The following UGGT2 variants were observed in gnomAD, a reference collection of about 807,000 sequenced individuals.
UGGT2 encodes the protein UDP-glucose glycoprotein glucosyltransferase 2, also known as UDP-glucose:glycoprotein glucosyltransferase 2.
UGGT2 carries 180 observed loss-of-function variants against 192.1 expected under a neutral mutation model. That is an observed-to-expected ratio of 0.94 (90% CI 0.83 to 1.06). UGGT2 has a LOEUF of 1.06. Among genes scored for constraint, UGGT2 ranks in the 50% least tolerant of loss-of-function variants. The pLI is 0.00. For synonymous variants in UGGT2, 580 were observed against 591.0 expected (o/e 0.98, Z 0.27); for missense variants, 1,849 against 1,795.7 (o/e 1.03, Z -0.54).
chr13:95,942,602 T>G (rs1303763340), intron 15 of UGGT2, among the ~76,000 whole-genome samples: 1 of 152,174 alleles, frequency 6.6e-6, no homozygotes, highest in Non-Finnish European at 1.5e-5. Context: ...TAATGCATCT[T>G]CTATTTTAAA....
intron 38 of UGGT2, among the ~76,000 whole-genome samples, chr13:95,803,035 C>A (rs1416807620): frequency 6.6e-6 from 1 of 151,708 alleles, no homozygotes; most frequent in African/African-American, 2.4e-5. Context: ...GGGGTTTCAC[C>A]GTGTTAGCCA....
At chr13:96,031,823 T>C in intron 2 of UGGT2, 66 bp downstream of exon 2, 1 of 1,244,148 alleles carries the variant, frequency 8.0e-7, no homozygotes, top group Non-Finnish European at 1.1e-6. Context: ...CATTAAAAAA[T>C]AATAAACATT....
intron 2 of UGGT2, among the ~76,000 whole-genome samples, chr13:96,028,981 T>TC (rs544438380): frequency 1.4e-5 from 2 of 147,680 alleles, no homozygotes; most frequent in African/African-American, 5.0e-5. Context: ...CCGTCTCTAA[T>TC]AAAAAAAAAA....
At chr13:95,979,535 C>A (rs184108488) in intron 10 of UGGT2, among the ~76,000 whole-genome samples, 9 of 86,924 alleles carry the variant, frequency 1.0e-4, no homozygotes, top group African/African-American at 3.3e-4. Context: ...CTCATTTCCC[C>A]TGGTCTCTTA....
chr13:95,972,719 A>G, intron 10 of UGGT2, 48 bp from the exon 11 acceptor site: 1 of 1,422,404 alleles, frequency 7.0e-7, no homozygotes, highest in Non-Finnish European at 9.9e-7. Flanking sequence ...AACAATAGTG[A>G]CCTATATTAG....
chr13:95,846,209 G>A (rs1036882571), intron 36 of UGGT2, among the ~76,000 whole-genome samples: 13 of 152,182 alleles, frequency 8.5e-5, no homozygotes, highest in Non-Finnish European at 1.8e-4. Context: ...GATCACTCAC[G>A]GTTAGGAGCT....
chr13:95,886,500 A>G lies in UGGT2; in HGVS notation c.3038+1392T>C, dbSNP rs897860079. Among the ~76,000 whole-genome samples, 9 of 152,304 alleles carry G rather than the reference A, an allele frequency of 5.9e-5. No homozygotes were observed. The South Asian group carries it at 1.7e-3, about 28-fold the overall frequency. ...ACAGAGAGGACCCCTACTCCTGTGA[A>G]TAAAAATTCTGTACTTATGGAACTA... is the stretch of plus-strand genomic sequence containing the variant. On this transcript the variant is annotated intron_variant, in intron 26 of 38. Coordinates refer to ENST00000376747, the MANE Select transcript of UGGT2 (RefSeq NM_020121.4).
chr13:95,938,320 G>T (rs2049537052), intron 16 of UGGT2, among the ~76,000 whole-genome samples: 1 of 152,096 alleles, frequency 6.6e-6, no homozygotes, highest in Non-Finnish European at 1.5e-5. Context: ...CTCAACATTT[G>T]AATTTTAGCT....
In UGGT2 at chr13:95,837,142, A is replaced by G; in HGVS notation, c.4345T>C (p.Trp1449Arg). The G allele has an allele frequency of 6.2e-7, 1 of 1,613,640 alleles. No homozygotes were observed. Among genetic ancestry groups the G allele is most frequent in the Non-Finnish European group, 8.5e-7 (1 of 1,179,914 alleles). ...TCATCATCACACCAGGTTTCACACC[A>G]CAGCCAGTCTTGAGGAAGAGACTTA... is the stretch of plus-strand genomic sequence containing the variant. ...AIKSLPQDWL[W>R]CETWCDDESK... Residue 1449 changes from tryptophan to arginine, a missense_variant, in exon 37 of 39, where the codon TGG (tryptophan) becomes CGG (arginine). By Grantham distance (101) the Trp-to-Arg change is moderately radical. Coordinates refer to ENST00000376747, the MANE Select transcript of UGGT2 (RefSeq NM_020121.4).
chr13:95,902,223 T>A (rs7339059), intron 21 of UGGT2, among the ~76,000 whole-genome samples: 1 of 152,062 alleles, frequency 6.6e-6, no homozygotes, highest in Non-Finnish European at 1.5e-5. Flanking sequence ...ATTTAATTTA[T>A]TTTCTCACTC....
intron 30 of UGGT2, 137 bp from the exon 31 acceptor site, chr13:95,863,851 A>G: frequency 4.4e-6 from 3 of 678,866 alleles, no homozygotes; most frequent in South Asian, 3.5e-5. Context: ...GACAGGCAAT[A>G]TCTTAGCACA....
At position 95,815,374 on chromosome 13, in the gene UGGT2, G is replaced by A. The variant is rs561059117; in HGVS notation, c.4529-13562C>T. On this transcript the variant is annotated intron_variant, in intron 38 of 38. Transcript: ENST00000376747. Reference sequence around the variant, plus strand: ...GAAAAAATTCCTAAGAACTCTACTAGAACTAATAAGTGAGTATAGCAAAGC... The same window carrying A: ...GAAAAAATTCCTAAGAACTCTACTAAAACTAATAAGTGAGTATAGCAAAGC... Among the ~76,000 whole-genome samples, 3 of 152,142 alleles carry A rather than the reference G, an allele frequency of 2.0e-5. No homozygotes were observed. The South Asian group carries it at 6.2e-4, about 32-fold the overall frequency.
At chr13:95,862,880 C>T (rs1001922373) in intron 31 of UGGT2, among the ~76,000 whole-genome samples, 2 of 151,954 alleles carry the variant, frequency 1.3e-5, no homozygotes, top group South Asian at 4.2e-4. Flanking sequence ...GTTTCTTTTT[C>T]GAGACAGGGT....
At chr13:95,973,109 G>A (rs2050827494) in intron 10 of UGGT2, among the ~76,000 whole-genome samples, 1 of 152,146 alleles carries the variant, frequency 6.6e-6, no homozygotes. Flanking sequence ...GGCGGAGGTT[G>A]CAGTGAGCCA....
chr13:95,825,992 T>C (rs531296059), intron 38 of UGGT2, among the ~76,000 whole-genome samples: 5 of 152,156 alleles, frequency 3.3e-5, no homozygotes, highest in Admixed American at 6.5e-5. Context: ...ATTCTAGGAA[T>C]ACAAGGATGC....
chr13:95,949,537 A>C, intron 12 of UGGT2, 83 bp from the exon 13 acceptor site: 1 of 1,262,524 alleles, frequency 7.9e-7, no homozygotes, highest in Non-Finnish European at 1.0e-6. Context: ...TATCGTGATA[A>C]ATAAAAATAT....
intron 35 of UGGT2, among the ~76,000 whole-genome samples, 153 bp from the exon 36 acceptor site, chr13:95,853,810 A>C (rs1187255431): frequency 1.3e-5 from 2 of 152,208 alleles, no homozygotes; most frequent in Non-Finnish European, 2.9e-5. Context: ...CCTAATATCT[A>C]ATACTGTTTC....
chr13:96,029,293 A>T (rs963251417), intron 2 of UGGT2, among the ~76,000 whole-genome samples: 16 of 151,708 alleles, frequency 1.1e-4, no homozygotes, highest in East Asian at 1.9e-4. Context: ...TTATTTATTT[A>T]TTTATTTTTT....
At position 95,877,690 on chromosome 13, in the gene UGGT2, ATACT is replaced by A. The variant is rs780405924; in HGVS notation, c.3387+4_3387+7del. On this transcript the variant is annotated splice_donor_5th_base_variant and intron_variant, in intron 28 of 38. Coordinates refer to ENST00000376747, the MANE Select transcript of UGGT2 (RefSeq NM_020121.4). ...CAAATTAAACACCATCAATTAAATA[ATACT>A]TACATGATGTGCCATCACTATTGTA... is the stretch of plus-strand genomic sequence containing the variant. The A allele has an allele frequency of 1.9e-6, 3 of 1,608,570 alleles. No individual in the cohort carries two copies. The highest frequency in any genetic ancestry group is 1.3e-5 in the African/African-American group (1 of 74,800).
Sources: allele counts gnomAD v4.1 joint callset (sites outside exome capture counted in the v4.1 genomes callset), GRCh38; gene constraint gnomAD v4.1.1; transcripts MANE v1.5; gene names NCBI Gene and HGNC (gene_info 2026-07-23, HGNC 2026-07-21).